B3GAT2: variants seen among roughly 807,000 people sequenced by gnomAD.
The protein encoded by B3GAT2 is galactosylgalactosylxylosylprotein 3-beta-glucuronosyltransferase 2.
Under a neutral mutation model 27.8 loss-of-function variants are expected in B3GAT2, and 26 were observed. The ratio of observed to expected loss-of-function variants is 0.93; its 90% CI spans 0.68 to 1.30. The LOEUF is 1.30. Among genes scored for constraint, B3GAT2 ranks in the 50% most tolerant of loss-of-function variants. The probability of loss-of-function intolerance (pLI) is 0.00; values close to 1 mark genes in which losing one functional copy is unlikely to be tolerated. For synonymous variants in B3GAT2, 218 were observed against 195.1 expected (o/e 1.12, Z -0.98); for missense variants, 458 against 459.0 (o/e 1.00, Z 0.02).
chr6:70,862,967 G>C (rs935081748), intron 2 of B3GAT2, among the ~76,000 whole-genome samples: 6 of 152,152 alleles, frequency 3.9e-5, no homozygotes, highest in African/African-American at 1.4e-4. Flanking sequence ...AACAGAATGA[G>C]GCCCTGTCTC....
At position 70,956,347 on chromosome 6, in the gene B3GAT2, C is replaced by A; in HGVS notation, c.83G>T (p.Arg28Leu). 4 of 1,569,316 alleles carry A rather than the reference C, an allele frequency of 2.5e-6. No individual in the cohort carries two copies. Among genetic ancestry groups the A allele is most frequent in the Non-Finnish European group, 3.5e-6 (4 of 1,156,608 alleles). ...IVIIMLDVDT[R>L]RPVPPLTPRP... ...CGGGGTGAGCGGGGGCACTGGCCTG[C>A]GCGTGTCCACGTCGAGCATGATGAT... The change falls in exon 1 of 4, where the codon CGC becomes CTC. Residue 28 changes from arginine (R) to leucine (L), a missense_variant. By Grantham distance (102) the Arg-to-Leu change is moderately radical (BLOSUM62 -2). Transcript: ENST00000230053.
intron 1 of B3GAT2, among the ~76,000 whole-genome samples, chr6:70,944,435 G>GCT (rs1554218000): frequency 3.3e-5 from 5 of 151,680 alleles, no homozygotes; most frequent in Non-Finnish European, 7.4e-5. Context: ...CCCACACATG[G>GCT]CGCCCACGGA....
chr6:70,927,577 G>A (rs553395445), intron 1 of B3GAT2, among the ~76,000 whole-genome samples: 2 of 152,306 alleles, frequency 1.3e-5, no homozygotes, highest in South Asian at 4.2e-4. Flanking sequence ...AAGAGACAAA[G>A]AAGGCCGTTA....
intron 2 of B3GAT2, among the ~76,000 whole-genome samples, chr6:70,868,421 GTTC>G (rs367644454): frequency 6.6e-6 from 1 of 152,178 alleles, no homozygotes; most frequent in Non-Finnish European, 1.5e-5. Context: ...GTGCTTCTCA[GTTC>G]TTCTATTGTG....
intron 1 of B3GAT2, among the ~76,000 whole-genome samples, chr6:70,916,398 C>T (rs2150040495): frequency 6.6e-6 from 1 of 152,202 alleles, no homozygotes; most frequent in Non-Finnish European, 1.5e-5. Flanking sequence ...ATTTATTTCT[C>T]TTGCCTTATT....
intron 1 of B3GAT2, among the ~76,000 whole-genome samples, chr6:70,911,882 C>T (rs1772693762): frequency 1.3e-5 from 2 of 151,986 alleles, no homozygotes; most frequent in Non-Finnish European, 2.9e-5. Context: ...TAGCTGTATG[C>T]GTAGGTATTT....
At chr6:70,905,381 T>G (rs1011857138) in intron 1 of B3GAT2, among the ~76,000 whole-genome samples, 1 of 152,214 alleles carries the variant, frequency 6.6e-6, no homozygotes, top group South Asian at 2.1e-4. Context: ...TAAAATGTGA[T>G]GTTTATTGAA....
chr6:70,954,427 A>C (rs190036880), intron 1 of B3GAT2, among the ~76,000 whole-genome samples: 1 of 152,334 alleles, frequency 6.6e-6, no homozygotes, highest in East Asian at 1.9e-4. Context: ...TTTATTCATG[A>C]AAGAGAGGAT....
chr6:70,947,635 C>T (rs200693010), intron 1 of B3GAT2, among the ~76,000 whole-genome samples: 99,337 of 142,440 alleles, frequency 0.7, 34,492 homozygotes, highest in African/African-American at 0.75. Context: ...GATTCACAGC[C>T]GAATTCTACC....
intron 2 of B3GAT2, among the ~76,000 whole-genome samples, chr6:70,877,056 C>CA (rs1043907512): frequency 3.9e-5 from 6 of 152,182 alleles, no homozygotes; most frequent in African/African-American, 1.4e-4. Context: ...CAGGACTCTG[C>CA]ACCCTACTCT....
intron 2 of B3GAT2, among the ~76,000 whole-genome samples, chr6:70,892,570 A>G (rs1487344175): frequency 6.6e-6 from 1 of 152,180 alleles, no homozygotes; most frequent in Non-Finnish European, 1.5e-5. Context: ...ATCCTCACTT[A>G]GAAGCCCAAG....
chr6:70,892,246 G>T (rs899605528), intron 2 of B3GAT2, among the ~76,000 whole-genome samples: 1 of 152,110 alleles, frequency 6.6e-6, no homozygotes, highest in African/African-American at 2.4e-5. Flanking sequence ...CACAGAATTT[G>T]GCAGTCCTAG....
chr6:70,861,685 T>C lies in B3GAT2; in HGVS notation c.950A>G (p.Asp317Gly). The C allele has an allele frequency of 1.2e-6, 2 of 1,614,116 alleles. No individual in the cohort carries two copies. The highest frequency in any genetic ancestry group is 1.7e-6 in the Non-Finnish European group (2 of 1,179,976). ...AATTTATACCTCAATTTTCACTGTG[T>C]CCAGGTGGTACTTTGGCTCGTTGGC... The part of the protein sequence containing the change: ...NLANEPKYHL[D>G]TVKIEV Residue 317 changes from aspartate to glycine, a missense_variant, in exon 4 of 4, where the codon GAC (aspartate) becomes GGC (glycine). Coordinates refer to ENST00000230053, the MANE Select transcript of B3GAT2 (RefSeq NM_080742.3).
rs201533441 is a variant in B3GAT2, at chr6:70,856,821, A to C, written c.*4842T>G. 10 of 1,555,336 alleles carry C rather than the reference A, an allele frequency of 6.4e-6. No homozygotes were observed. Among genetic ancestry groups the C allele is most frequent in the Non-Finnish European group, 1.7e-6 (2 of 1,150,702 alleles). On this transcript the variant is annotated 3_prime_UTR_variant, in exon 4 of 4. Transcript: ENST00000230053. Reference sequence around the variant, plus strand: ...AGTAATGGATAAGCTGCGCTTTACTATGCAGAATTTGATAGCTTATTTTGG... The same window carrying C: ...AGTAATGGATAAGCTGCGCTTTACTCTGCAGAATTTGATAGCTTATTTTGG...
chr6:70,942,055 C>T (rs182298615), intron 1 of B3GAT2, among the ~76,000 whole-genome samples: 2 of 152,220 alleles, frequency 1.3e-5, no homozygotes, highest in Non-Finnish European at 2.9e-5. Flanking sequence ...TACCACCCAC[C>T]TTATCCAAGG....
chr6:70,912,495 G>C (rs904553201), intron 1 of B3GAT2, among the ~76,000 whole-genome samples: 1 of 152,042 alleles, frequency 6.6e-6, no homozygotes, highest in Non-Finnish European at 1.5e-5. Context: ...GATCATGGTG[G>C]ATTAGTTTTT....
chr6:70,913,799 T>C (rs574576630), intron 1 of B3GAT2, among the ~76,000 whole-genome samples: 11 of 152,316 alleles, frequency 7.2e-5, no homozygotes, highest in Admixed American at 6.5e-4. Flanking sequence ...AGTGGGGTGC[T>C]GAAGTCTCCC....
chr6:70,937,785 C>T (rs1313896594), intron 1 of B3GAT2, among the ~76,000 whole-genome samples: 1 of 152,136 alleles, frequency 6.6e-6, no homozygotes, highest in Non-Finnish European at 1.5e-5. Context: ...GACAAGCCCA[C>T]AGCCAATATC....
At chr6:70,885,682 A>C (rs918271359) in intron 2 of B3GAT2, among the ~76,000 whole-genome samples, 3 of 152,018 alleles carry the variant, frequency 2.0e-5, no homozygotes, top group African/African-American at 7.3e-5. Flanking sequence ...GTGGGTGCAG[A>C]TTCAAATATT....
Sources: allele counts gnomAD v4.1 joint callset (sites outside exome capture counted in the v4.1 genomes callset), GRCh38; gene constraint gnomAD v4.1.1; transcripts MANE v1.5; gene names NCBI Gene and HGNC (gene_info 2026-07-23, HGNC 2026-07-21).